LIN52: variants seen among roughly 807,000 people sequenced by gnomAD.
The protein encoded by LIN52 is lin-52 DREAM MuvB core complex component, also known as protein lin-52 homolog.
LIN52 carries 4 observed loss-of-function variants against 18.5 expected under a neutral mutation model. The observed-to-expected ratio is 0.22, with a 90% CI of 0.11 to 0.49. The LOEUF is 0.49. LIN52 is among the 20% of genes least tolerant of loss of function. LIN52 has a pLI of 0.97. For synonymous variants in LIN52, 34 were observed against 45.5 expected (o/e 0.75, Z 1.02); for missense variants, 102 against 139.5 (o/e 0.73, Z 1.35).
chr14:74,137,814 A>T (rs568436321), intron 5 of LIN52, among the ~76,000 whole-genome samples: 1 of 152,054 alleles, frequency 6.6e-6, no homozygotes, highest in Non-Finnish European at 1.5e-5. Flanking sequence ...TAGCTCTTTT[A>T]ATAAATATTT....
intron 4 of LIN52, among the ~76,000 whole-genome samples, chr14:74,100,274 T>C (rs1240010142): frequency 6.6e-6 from 1 of 152,192 alleles, no homozygotes; most frequent in African/African-American, 2.4e-5. Context: ...TAATGTTTCC[T>C]GAGGATGAAT....
chr14:74,151,717 C>T (rs2061177467), intron 5 of LIN52, among the ~76,000 whole-genome samples: 1 of 152,086 alleles, frequency 6.6e-6, no homozygotes, highest in African/African-American at 2.4e-5. Context: ...AGTTATCAGC[C>T]AGTTAAAAGG....
intron 5 of LIN52, among the ~76,000 whole-genome samples, chr14:74,141,093 C>T (rs756952785): frequency 6.6e-6 from 1 of 152,122 alleles, no homozygotes; most frequent in Admixed American, 6.5e-5. Flanking sequence ...AAAGATCTCT[C>T]TGTGCTTTTA....
At chr14:74,196,697 A>T (rs1289273961) in intron 5 of LIN52, among the ~76,000 whole-genome samples, 1 of 152,182 alleles carries the variant, frequency 6.6e-6, no homozygotes, top group Admixed American at 6.5e-5. Flanking sequence ...CAGTTTGTTC[A>T]TTCATTCATT....
At chr14:74,194,767 C>T (rs778160800) in intron 5 of LIN52, among the ~76,000 whole-genome samples, 1 of 152,156 alleles carries the variant, frequency 6.6e-6, no homozygotes, top group Non-Finnish European at 1.5e-5. Flanking sequence ...CCAGTGGGCC[C>T]CTCTTGGCAT....
chr14:74,093,983 C>CAA (rs1204550417), intron 2 of LIN52, among the ~76,000 whole-genome samples: 2 of 86,778 alleles, frequency 2.3e-5, no homozygotes, highest in African/African-American at 4.4e-5. Context: ...AACTCTGTCT[C>CAA]AAAAAAAAAA....
At chr14:74,100,785 C>T (rs2300194) in intron 4 of LIN52, among the ~76,000 whole-genome samples, 82,094 of 151,974 alleles carry the variant, frequency 0.54, 23,084 homozygotes, top group East Asian at 0.89. Context: ...TGAATTTTTG[C>T]ATTATTTTTA....
At chr14:74,170,261 G>A (rs1471835658) in intron 5 of LIN52, among the ~76,000 whole-genome samples, 1 of 152,168 alleles carries the variant, frequency 6.6e-6, no homozygotes, top group Non-Finnish European at 1.5e-5. Flanking sequence ...CATAACAGAT[G>A]CTTAGTAAAT....
chr14:74,126,725 C>T (rs530626286), intron 5 of LIN52, among the ~76,000 whole-genome samples: 1 of 152,054 alleles, frequency 6.6e-6, no homozygotes, highest in Non-Finnish European at 1.5e-5. Flanking sequence ...GTTCCCAGGG[C>T]CTAGAGAAAG....
intron 5 of LIN52, among the ~76,000 whole-genome samples, chr14:74,112,840 T>TA (rs1020016650): frequency 6.6e-6 from 1 of 152,028 alleles, no homozygotes; most frequent in African/African-American, 2.4e-5. Flanking sequence ...ACAACTAAGG[T>TA]AAATGATTCT....
At chr14:74,180,560 G>A (rs1373282652) in intron 5 of LIN52, among the ~76,000 whole-genome samples, 1 of 152,064 alleles carries the variant, frequency 6.6e-6, no homozygotes, top group African/African-American at 2.4e-5. Context: ...GCCCAGCCTA[G>A]GGAGGAGGAA....
Position 74,191,668 on chromosome 14 carries a change from C to G in LIN52, c.284-7254C>G, listed in dbSNP as rs138564389. 3.5e-3 allele frequency among the ~76,000 whole-genome samples: 517 copies of G among 146,904 alleles called. 4 individuals are homozygous for G. Among genetic ancestry groups the G allele is most frequent in the African/African-American group, 0.012 (489 of 39,594 alleles). ...TTTTTTTTTGAGATGGAGCCTTGCT[C>G]TGTCGTCCAGGCCGGAGTGCAGTGG... On this transcript the variant is annotated intron_variant, in intron 5 of 5. Coordinates refer to ENST00000555028, the MANE Select transcript of LIN52 (RefSeq NM_001024674.3).
intron 5 of LIN52, among the ~76,000 whole-genome samples, chr14:74,168,421 C>G (rs912870915): frequency 2.6e-5 from 4 of 152,122 alleles, no homozygotes; most frequent in Non-Finnish European, 5.9e-5. Flanking sequence ...GTAGTCCCAG[C>G]ACTTTGGGAG....
chr14:74,186,708 G>A (rs905170109), intron 5 of LIN52, among the ~76,000 whole-genome samples: 2 of 152,010 alleles, frequency 1.3e-5, no homozygotes, highest in Non-Finnish European at 2.9e-5. Context: ...ATTCAAGAAA[G>A]CACCTGAAGG....
chr14:74,185,750 T>C (rs75324198), intron 5 of LIN52, among the ~76,000 whole-genome samples: 2,079 of 152,250 alleles, frequency 0.014, 47 homozygotes, highest in African/African-American at 0.046. Context: ...TTAAGGTTTC[T>C]TTCTATTTCA....
chr14:74,165,228 G>A (rs2061243183), intron 5 of LIN52, among the ~76,000 whole-genome samples: 1 of 152,128 alleles, frequency 6.6e-6, no homozygotes, highest in South Asian at 2.1e-4. Context: ...ATAGGAGATA[G>A]GATGCATGTC....
At chr14:74,087,273 A>C (rs1162917846) in intron 1 of LIN52, among the ~76,000 whole-genome samples, 2 of 152,036 alleles carry the variant, frequency 1.3e-5, no homozygotes, top group South Asian at 2.1e-4. Flanking sequence ...AAAATTAGCC[A>C]GGCGTGGTGG....
intron 5 of LIN52, among the ~76,000 whole-genome samples, chr14:74,177,060 G>A (rs1171576101): frequency 6.6e-6 from 1 of 151,372 alleles, no homozygotes; most frequent in African/African-American, 2.4e-5. Flanking sequence ...GTGCAATGGT[G>A]CGATCTCGGC....
intron 2 of LIN52, among the ~76,000 whole-genome samples, chr14:74,094,000 G>A (rs1218540317): frequency 6.6e-6 from 1 of 151,350 alleles, no homozygotes; most frequent in Non-Finnish European, 1.5e-5. Flanking sequence ...AAAAAAAAAG[G>A]TACAAATCCT....
Sources: gnomAD v4.1 joint callset for allele counts (sites outside exome capture counted in the v4.1 genomes callset) on GRCh38, gnomAD v4.1.1 for gene constraint, MANE v1.5 for transcripts, NCBI Gene and HGNC (gene_info 2026-07-23, HGNC 2026-07-21) for gene names.